Variants in OSTF1 observed in about 807,000 individuals in gnomAD.
OSTF1 encodes the protein osteoclast-stimulating factor 1.
OSTF1 carries 27 observed loss-of-function variants against 37.2 expected under a neutral mutation model. That is an observed-to-expected ratio of 0.73 (90% CI 0.54 to 1.00). The LOEUF is 1.00. Among genes scored for constraint, OSTF1 ranks in the 50% least tolerant of loss-of-function variants. The pLI is 0.00. For missense variants in OSTF1, 232 were observed against 253.8 expected, an observed-to-expected ratio of 0.91 and a Z score of 0.58; for synonymous variants, 82 against 89.2, an observed-to-expected ratio of 0.92 and a Z score of 0.46.
chr9:75,126,907 A>C (rs1013818953), intron 2 of OSTF1, among the ~76,000 whole-genome samples: 2 of 152,092 alleles, frequency 1.3e-5, no homozygotes, highest in Non-Finnish European at 2.9e-5. Context: ...AGTTTTTAGA[A>C]CATTTGGTTG....
intron 2 of OSTF1, among the ~76,000 whole-genome samples, chr9:75,121,052 C>T (rs966132356): frequency 1.3e-5 from 2 of 152,172 alleles, no homozygotes; most frequent in African/African-American, 2.4e-5. Flanking sequence ...GTTCAGAGCC[C>T]GCACTAGGGT....
intron 1 of OSTF1, among the ~76,000 whole-genome samples, chr9:75,116,082 C>T (rs569099493): frequency 1.2e-3 from 184 of 151,200 alleles, no homozygotes; most frequent in African/African-American, 3.8e-3. Context: ...CCAGCCTGGG[C>T]GAAAGAGTGA....
At chr9:75,100,632 A>G (rs1391985486) in intron 1 of OSTF1, among the ~76,000 whole-genome samples, 2 of 151,804 alleles carry the variant, frequency 1.3e-5, no homozygotes, top group Non-Finnish European at 1.5e-5. Context: ...TCGGGAGGCT[A>G]AGGGAGGAGA....
At chr9:75,094,510 G>C (rs1306637511) in intron 1 of OSTF1, among the ~76,000 whole-genome samples, 1 of 151,890 alleles carries the variant, frequency 6.6e-6, no homozygotes, top group Admixed American at 6.6e-5. Context: ...TGGAAATACT[G>C]GGGTCCCCTC....
chr9:75,142,756 G>C (rs1301222456), intron 9 of OSTF1, among the ~76,000 whole-genome samples: 1 of 152,136 alleles, frequency 6.6e-6, no homozygotes, highest in Non-Finnish European at 1.5e-5. Context: ...ACAGAGCCAA[G>C]AAATGAGTTT....
intron 1 of OSTF1, among the ~76,000 whole-genome samples, chr9:75,107,752 A>G (rs1013815234): frequency 6.6e-5 from 10 of 152,170 alleles, no homozygotes; most frequent in African/African-American, 1.4e-4. Context: ...TTTAGACTCA[A>G]ATTTTTTCCA....
intron 1 of OSTF1, among the ~76,000 whole-genome samples, chr9:75,089,323 C>G (rs925686840): frequency 6.6e-6 from 1 of 151,240 alleles, no homozygotes; most frequent in East Asian, 1.9e-4. Flanking sequence ...GTGATCTCAG[C>G]TGTTGCTATT....
At chr9:75,111,048 C>G (rs932446979) in intron 1 of OSTF1, among the ~76,000 whole-genome samples, 3 of 151,974 alleles carry the variant, frequency 2.0e-5, no homozygotes, top group African/African-American at 7.3e-5. Flanking sequence ...ATCTGAGTGG[C>G]TTTCTTTAGA....
chr9:75,099,446 T>C lies in OSTF1; in HGVS notation c.34+10720T>C, dbSNP rs1438483513. Among the ~76,000 whole-genome samples, 4 of 151,840 alleles carry C rather than the reference T, an allele frequency of 2.6e-5. No individual in the cohort carries two copies. In the East Asian group the frequency reaches 7.8e-4, roughly 30 times the overall value. Reference sequence around the variant, plus strand: ...AAACATTTTTTTTGTACAGATGGGGTCCCACAGTGTTGCCCAGGCTGGTCT... The same window carrying C: ...AAACATTTTTTTTGTACAGATGGGGCCCCACAGTGTTGCCCAGGCTGGTCT... On this transcript the variant is annotated intron_variant, in intron 1 of 9. Transcript: ENST00000346234.
At chr9:75,103,101 A>G (rs1825222046) in intron 1 of OSTF1, among the ~76,000 whole-genome samples, 1 of 150,860 alleles carries the variant, frequency 6.6e-6, no homozygotes, top group Non-Finnish European at 1.5e-5. Flanking sequence ...AGCCCATGCA[A>G]CATAATGATA....
At chr9:75,130,167 T>A (rs1176380864) in intron 3 of OSTF1, among the ~76,000 whole-genome samples, 1 of 152,134 alleles carries the variant, frequency 6.6e-6, no homozygotes, top group East Asian at 1.9e-4. Flanking sequence ...TTTTCTATAA[T>A]AACAAGTTAC....
At chr9:75,140,971 A>G (rs1825933673) in intron 9 of OSTF1, 39 bp downstream of exon 9, 2 of 1,381,122 alleles carry the variant, frequency 1.4e-6, no homozygotes, top group South Asian at 1.2e-5. Flanking sequence ...CTGGTGCCCC[A>G]TAACTAAGAT....
intron 1 of OSTF1, among the ~76,000 whole-genome samples, chr9:75,112,826 A>G (rs565112055): frequency 6.6e-6 from 1 of 152,226 alleles, no homozygotes; most frequent in African/African-American, 2.4e-5. Context: ...TCAAAGGAAC[A>G]AGAAAGTTCT....
chr9:75,137,537 G>A lies in OSTF1; in HGVS notation c.409-1G>A. On this transcript the variant is annotated splice_acceptor_variant, in intron 7 of 9. Coordinates refer to ENST00000346234, the MANE Select transcript of OSTF1 (RefSeq NM_012383.5). LOFTEE classifies it high-confidence loss of function. ...GGTACTTTCTCTTTTTATCACTATA[G>A]AACAAGTTGGGAGATACAGCTTTGC... 1 of 1,598,390 alleles carries A rather than the reference G, an allele frequency of 6.3e-7. No homozygotes were observed. Among genetic ancestry groups the A allele is most frequent in the Non-Finnish European group, 8.6e-7 (1 of 1,165,760 alleles).
intron 3 of OSTF1, among the ~76,000 whole-genome samples, chr9:75,128,971 G>A (rs536884968): frequency 6.6e-6 from 1 of 152,160 alleles, no homozygotes; most frequent in East Asian, 1.9e-4. Context: ...CCATTGAAAT[G>A]TACAGGCTTC....
At chr9:75,121,587 C>T (rs754895100) in intron 2 of OSTF1, among the ~76,000 whole-genome samples, 2 of 152,208 alleles carry the variant, frequency 1.3e-5, no homozygotes, top group Non-Finnish European at 2.9e-5. Flanking sequence ...CAGGTAGCCT[C>T]TAGCTCCCAC....
intron 4 of OSTF1, among the ~76,000 whole-genome samples, chr9:75,130,916 A>AT (rs1176005417): frequency 6.6e-5 from 10 of 152,148 alleles, no homozygotes; most frequent in East Asian, 1.9e-4. Context: ...CCTTAAAACA[A>AT]TTTTTTTTAA....
At position 75,146,762 on chromosome 9, in the gene OSTF1, A is replaced by G; in HGVS notation, c.*21A>G. ...ATTAATTCCTTTCTGGAGCTTTGAG[A>G]TCTAAAACTTCTGTTGCTTTTGCCA... On this transcript the variant is annotated 3_prime_UTR_variant, in exon 10 of 10. Coordinates refer to ENST00000346234, the MANE Select transcript of OSTF1 (RefSeq NM_012383.5). The G allele has an allele frequency of 6.4e-7, 1 of 1,560,320 alleles. No homozygotes were observed.
At position 75,146,831 on chromosome 9, in the gene OSTF1, AG is replaced by A. The variant is rs1826033787; in HGVS notation, c.*91del. ...GCCAGAAAAGTGTTGGTAACTATAA[AG>A]AAAATTATATATGAACACGGCAGTG... On this transcript the variant is annotated 3_prime_UTR_variant, in exon 10 of 10. Coordinates refer to ENST00000346234, the MANE Select transcript of OSTF1 (RefSeq NM_012383.5). The A allele has an allele frequency of 1.2e-6, 1 of 860,806 alleles. No individual in the cohort carries two copies. Among genetic ancestry groups the A allele is most frequent in the East Asian group, 2.5e-5 (1 of 40,402 alleles). The allele number at this position is 860,806 out of a possible 1,614,324, so 53.3% of individuals were successfully genotyped here.
Sources: gnomAD v4.1 joint callset for allele counts (sites outside exome capture counted in the v4.1 genomes callset) on GRCh38, gnomAD v4.1.1 for gene constraint, MANE v1.5 for transcripts, NCBI Gene and HGNC (gene_info 2026-07-23, HGNC 2026-07-21) for gene names.